The following ASIC2 variants were observed in gnomAD, a reference collection of about 807,000 sequenced individuals.
The protein encoded by ASIC2 is acid-sensing ion channel 2.
In ASIC2, 25 loss-of-function variants were observed where a neutral mutation model predicts 57.3. The ratio of observed to expected loss-of-function variants is 0.44; its 90% CI spans 0.32 to 0.61. The LOEUF (loss-of-function observed/expected upper bound fraction) is 0.61, where lower values mean the gene tolerates loss of function less well. ASIC2 is among the 20% of genes least tolerant of loss of function. The probability of loss-of-function intolerance (pLI) is 0.06; values close to 1 mark genes in which losing one functional copy is unlikely to be tolerated. For missense variants in ASIC2, 641 were observed against 738.1 expected, an observed-to-expected ratio of 0.87 and a Z score of 1.52; for synonymous variants, 319 against 307.5, an observed-to-expected ratio of 1.04 and a Z score of -0.39.
At chr17:33,017,566 G>C (rs779426341) in intron 8 of ASIC2, 39 bp downstream of exon 8, 1 of 1,559,516 alleles carries the variant, frequency 6.4e-7, no homozygotes, top group Admixed American at 1.7e-5. Context: ...GAGGGCACCA[G>C]CATGCGGTCA....
intron 1 of ASIC2, among the ~76,000 whole-genome samples, chr17:33,442,640 A>G (rs1299480428): frequency 3.3e-5 from 5 of 152,094 alleles, no homozygotes; most frequent in Admixed American, 6.5e-5. Context: ...AAATTTGTTC[A>G]CTAGTTATAG....
At chr17:33,789,099 C>T (rs1000525146) in intron 1 of ASIC2, among the ~76,000 whole-genome samples, 1 of 152,158 alleles carries the variant, frequency 6.6e-6, no homozygotes, top group African/African-American at 2.4e-5. Flanking sequence ...ACATGCCTGC[C>T]CCGTTCAGCT....
intron 1 of ASIC2, among the ~76,000 whole-genome samples, chr17:33,366,352 C>T (rs1908808835): frequency 1.3e-5 from 2 of 152,188 alleles, no homozygotes; most frequent in African/African-American, 2.4e-5. Flanking sequence ...CATCTCCTTC[C>T]TCTTATACTC....
intron 1 of ASIC2, among the ~76,000 whole-genome samples, chr17:33,238,957 T>C (rs1212089355): frequency 6.6e-6 from 1 of 151,668 alleles, no homozygotes; most frequent in Non-Finnish European, 1.5e-5. Flanking sequence ...CGAGCCAAGA[T>C]TGCACCACTG....
chr17:33,772,961 C>T (rs928575195), intron 1 of ASIC2, among the ~76,000 whole-genome samples: 21 of 152,238 alleles, frequency 1.4e-4, no homozygotes, highest in Non-Finnish European at 2.9e-4. Context: ...AAGTGTTTAG[C>T]GTGGTACCTG....
At chr17:33,957,639 A>G (rs1305821958) in intron 1 of ASIC2, among the ~76,000 whole-genome samples, 1 of 152,136 alleles carries the variant, frequency 6.6e-6, no homozygotes. Context: ...CCATGATTCA[A>G]TTACCTCCCA....
intron 1 of ASIC2, among the ~76,000 whole-genome samples, chr17:33,344,763 T>C (rs1907877565): frequency 6.6e-6 from 1 of 152,148 alleles, no homozygotes; most frequent in Non-Finnish European, 1.5e-5. Flanking sequence ...TAAGAATGTA[T>C]ATATTTATTT....
At chr17:33,063,805 C>T (rs888625610) in intron 3 of ASIC2, among the ~76,000 whole-genome samples, 81 of 152,112 alleles carry the variant, frequency 5.3e-4, no homozygotes, top group East Asian at 7.7e-4. Context: ...ACCAATCAGA[C>T]GTAGATTTGG....
At chr17:33,710,568 A>C (rs1908997718) in intron 1 of ASIC2, among the ~76,000 whole-genome samples, 2 of 152,218 alleles carry the variant, frequency 1.3e-5, no homozygotes, top group African/African-American at 4.8e-5. Flanking sequence ...TTCAAGAATG[A>C]GAAGAAATAA....
chr17:33,463,802 A>G (rs1429747859), intron 1 of ASIC2, among the ~76,000 whole-genome samples: 4 of 152,174 alleles, frequency 2.6e-5, no homozygotes, highest in African/African-American at 4.8e-5. Flanking sequence ...CCTCTGTGAT[A>G]CCACTGCTCA....
chr17:33,283,985 C>A (rs1392015115), intron 1 of ASIC2, among the ~76,000 whole-genome samples: 2 of 152,118 alleles, frequency 1.3e-5, no homozygotes, highest in Non-Finnish European at 2.9e-5. Flanking sequence ...CCTCAGTTTT[C>A]TTTTTGGTAT....
intron 1 of ASIC2, among the ~76,000 whole-genome samples, chr17:33,526,937 A>G (rs1426708432): frequency 6.6e-6 from 1 of 152,178 alleles, no homozygotes; most frequent in African/African-American, 2.4e-5. Context: ...GCTGGGCCTT[A>G]ATTTGCTGAA....
In ASIC2 at chr17:33,762,265, C is replaced by G. The variant is rs374497839; in HGVS notation, c.555+393713G>C. ...CATTGGGTCCTGGGACCCAAAAGAC[C>G]TCACAGGATTGAAAAGATATCAACC... On this transcript the variant is annotated intron_variant, in intron 1 of 9. Transcript: ENST00000359872. Among the ~76,000 whole-genome samples, 9 of 152,236 alleles carry G rather than the reference C, an allele frequency of 5.9e-5. No individual in the cohort carries two copies. The East Asian group carries it at 1.7e-3, about 29-fold the overall frequency.
chr17:33,882,343 A>G (rs530835551), intron 1 of ASIC2, among the ~76,000 whole-genome samples: 1 of 152,172 alleles, frequency 6.6e-6, no homozygotes. Flanking sequence ...ATGGGGGAAA[A>G]TTTTTGCAAT....
rs531549473 is a variant in ASIC2, at chr17:33,874,438, C to G, written c.555+281540G>C. On this transcript the variant is annotated intron_variant, in intron 1 of 9. Coordinates refer to the ASIC2 transcript ENST00000359872. ...AATTATTTGTTATTTATCTGAAATT[C>G]AAATTTAACTGGGTGTTCTGTATTT... 2.6e-5 allele frequency among the ~76,000 whole-genome samples: 4 copies of G among 152,240 alleles called. No homozygotes were observed. In the South Asian group the frequency reaches 8.3e-4, roughly 32 times the overall value.
chr17:34,012,783 A>AAATG (rs1206435676), intron 1 of ASIC2, among the ~76,000 whole-genome samples: 5 of 152,066 alleles, frequency 3.3e-5, no homozygotes, highest in African/African-American at 1.2e-4. Context: ...TTTATTGAAT[A>AAATG]AATGAATGAA....
chr17:34,138,301 T>C (rs918439642), intron 1 of ASIC2, among the ~76,000 whole-genome samples: 3 of 152,226 alleles, frequency 2.0e-5, no homozygotes, highest in South Asian at 2.1e-4. Flanking sequence ...GCCTGGCACA[T>C]AGCCAATGCT....
At chr17:33,352,386 C>T (rs542159409) in intron 1 of ASIC2, among the ~76,000 whole-genome samples, 4 of 152,238 alleles carry the variant, frequency 2.6e-5, no homozygotes, top group Admixed American at 2.0e-4. Context: ...CCATTACCCC[C>T]CAAGGCTGCC....
intron 1 of ASIC2, among the ~76,000 whole-genome samples, chr17:33,333,213 T>C (rs1907386332): frequency 6.6e-6 from 1 of 152,162 alleles, no homozygotes; most frequent in Non-Finnish European, 1.5e-5. Context: ...GTGATATAAA[T>C]CAGGAGATAT....
Sources: allele counts gnomAD v4.1 joint callset (sites outside exome capture counted in the v4.1 genomes callset), GRCh38; gene constraint gnomAD v4.1.1; transcripts MANE v1.5; gene names NCBI Gene and HGNC (gene_info 2026-07-23, HGNC 2026-07-21).